Variants in MINDY4B observed in about 807,000 individuals in gnomAD.
The protein encoded by MINDY4B is inactive ubiquitin carboxyl-terminal hydrolase MINDY-4B.
Under a neutral mutation model 16.7 loss-of-function variants are expected in MINDY4B, and 25 were observed. The observed-to-expected ratio is 1.49, with a 90% CI of 1.09 to 2.09. The LOEUF (loss-of-function observed/expected upper bound fraction) is 2.09, where lower values mean the gene tolerates loss of function less well. MINDY4B is among the 30% of genes most tolerant of loss of function. The pLI is 0.00. For synonymous variants in MINDY4B, 132 were observed against 61.9 expected (o/e 2.13, Z -5.32); for missense variants, 327 against 168.4 (o/e 1.94, Z -5.21).
rs1712007760 is a variant in MINDY4B, at chr3:150,897,498, G to A, written c.310-3193C>T. ...AGAGTGTGGACAAACGGAGCGTGGAGCTCAATGGGCCCAGAGCTGAGGTGC... is the reference window on the plus strand; with the variant it reads ...AGAGTGTGGACAAACGGAGCGTGGAACTCAATGGGCCCAGAGCTGAGGTGC... On this transcript the variant is annotated intron_variant, in intron 3 of 11. Transcript: ENST00000465419. Among the ~76,000 whole-genome samples the A allele has an allele frequency of 2.0e-5, 3 of 152,176 alleles. No homozygotes were observed. The South Asian group carries it at 6.2e-4, about 32-fold the overall frequency.
chr3:150,871,994 G>A lies in MINDY4B; in HGVS notation c.1241-807C>T, dbSNP rs1716984358. On this transcript the variant is annotated intron_variant, in intron 11 of 11. Transcript: ENST00000465419. The stretch of plus-strand genomic sequence containing the variant: ...TATTAGCCAGGTGACACTTAAGAAG[G>A]TACTTAGCATCTATTGCTAAACTTC... Among the ~76,000 whole-genome samples the A allele has an allele frequency of 2.6e-5, 4 of 152,280 alleles. 1 individual carries two copies. The South Asian group carries it at 8.3e-4, about 32-fold the overall frequency.
chr3:150,887,593 C>CA (rs1711660223), intron 7 of MINDY4B, among the ~76,000 whole-genome samples: 1 of 152,022 alleles, frequency 6.6e-6, no homozygotes, highest in Non-Finnish European at 1.5e-5. Flanking sequence ...TGATAAAAGC[C>CA]AAAAATCTAG....
At chr3:150,897,309 A>G (rs5007165) in intron 3 of MINDY4B, among the ~76,000 whole-genome samples, 11,256 of 145,110 alleles carry the variant, frequency 0.078, 742 homozygotes, top group African/African-American at 0.19. Flanking sequence ...TAAGTGTTCA[A>G]TGTGACTGGA....
At chr3:150,898,339 T>C (rs1576615534) in intron 3 of MINDY4B, among the ~76,000 whole-genome samples, 1 of 152,186 alleles carries the variant, frequency 6.6e-6, no homozygotes, top group East Asian at 1.9e-4. Context: ...TTAAATTCAA[T>C]TTTAAAAGTT....
At chr3:150,895,503 C>T (rs1711936524) in intron 3 of MINDY4B, among the ~76,000 whole-genome samples, 1 of 152,116 alleles carries the variant, frequency 6.6e-6, no homozygotes, top group Non-Finnish European at 1.5e-5. Context: ...TCTCGCTCTG[C>T]TGCCCAGGCT....
chr3:150,888,250 GT>G (rs1711680749), intron 7 of MINDY4B, among the ~76,000 whole-genome samples: 1 of 151,968 alleles, frequency 6.6e-6, no homozygotes. Flanking sequence ...ATCACATGGT[GT>G]TCTTCCATGT....
chr3:150,891,619 G>A (rs1162443863), intron 5 of MINDY4B, among the ~76,000 whole-genome samples: 9 of 151,892 alleles, frequency 5.9e-5, no homozygotes, highest in Non-Finnish European at 1.3e-4. Context: ...AAAATTAGCT[G>A]GGCATGGTGG....
intron 10 of MINDY4B, among the ~76,000 whole-genome samples, chr3:150,875,797 G>A (rs917148926): frequency 4.6e-5 from 7 of 152,184 alleles, no homozygotes. Context: ...GCTGCACTTT[G>A]AGTATTAAGA....
At chr3:150,896,732 G>A (rs79786215) in intron 3 of MINDY4B, among the ~76,000 whole-genome samples, 2,028 of 152,252 alleles carry the variant, frequency 0.013, 29 homozygotes, top group Admixed American at 0.033. Flanking sequence ...GATGTGAACC[G>A]TCTGTGAGTG....
intron 10 of MINDY4B, among the ~76,000 whole-genome samples, chr3:150,874,277 A>T (rs1194719186): frequency 6.6e-6 from 1 of 151,964 alleles, no homozygotes; most frequent in Non-Finnish European, 1.5e-5. Flanking sequence ...TGGCCTCCCA[A>T]CTATTGGAAT....
chr3:150,897,766 T>A (rs538106072), intron 3 of MINDY4B, among the ~76,000 whole-genome samples: 1 of 152,328 alleles, frequency 6.6e-6, no homozygotes, highest in East Asian at 1.9e-4. Context: ...AGAAAAACTA[T>A]GTGTTCTCTG....
At chr3:150,880,411 C>G (rs1245933725) in intron 10 of MINDY4B, among the ~76,000 whole-genome samples, 3 of 152,092 alleles carry the variant, frequency 2.0e-5, no homozygotes, top group African/African-American at 7.2e-5. Flanking sequence ...TCTACACAAG[C>G]AGACTTGTGT....
intron 7 of MINDY4B, among the ~76,000 whole-genome samples, chr3:150,889,252 G>A (rs999714476): frequency 9.9e-5 from 15 of 152,230 alleles, no homozygotes; most frequent in Admixed American, 9.8e-4. Flanking sequence ...TTCTAGCAAC[G>A]CGAGAGAAGA....
rs557205570 is a variant in MINDY4B, at chr3:150,876,943, G to T, written c.1060-3576C>A. 1.2e-3 allele frequency among the ~76,000 whole-genome samples: 179 copies of T among 152,258 alleles called. 1 individual carries two copies. The highest frequency in any genetic ancestry group is 1.7e-3 in the Non-Finnish European group (115 of 68,026). ...CTTCAAATAGAAAAGTGACAGGGAGGCTTCAAAATAGTGCCTCATCTTATG... is the reference window on the plus strand; with the variant it reads ...CTTCAAATAGAAAAGTGACAGGGAGTCTTCAAAATAGTGCCTCATCTTATG... On this transcript the variant is annotated intron_variant, in intron 10 of 11. Transcript: ENST00000465419.
At chr3:150,872,802 T>C (rs1717000943) in intron 11 of MINDY4B, among the ~76,000 whole-genome samples, 1 of 152,224 alleles carries the variant, frequency 6.6e-6, no homozygotes, top group African/African-American at 2.4e-5. Flanking sequence ...TGTTTGGTTG[T>C]GAGATAGCAT....
At chr3:150,882,405 G>T (rs1483022597) in intron 10 of MINDY4B, among the ~76,000 whole-genome samples, 4 of 151,560 alleles carry the variant, frequency 2.6e-5, no homozygotes, top group African/African-American at 9.7e-5. Context: ...TTTTCCAGTG[G>T]TTTTTTTTAA....
rs555205809 is a variant in MINDY4B, at chr3:150,899,826, C to G, written c.309+3423G>C. ...TTAACTCACACCTGTCGAGACCCAT[C>G]TATGAGCTAGACCTTATGGGGGGAC... is the stretch of plus-strand genomic sequence containing the variant. On this transcript the variant is annotated intron_variant, in intron 3 of 11. Transcript: ENST00000465419. Among the ~76,000 whole-genome samples, 10 of 152,318 alleles carry G rather than the reference C, an allele frequency of 6.6e-5. No individual in the cohort carries two copies. In the South Asian group the frequency reaches 1.4e-3, roughly 22 times the overall value.
chr3:150,897,663 C>T (rs1258969145), intron 3 of MINDY4B, among the ~76,000 whole-genome samples: 2 of 152,150 alleles, frequency 1.3e-5, no homozygotes, highest in Non-Finnish European at 2.9e-5. Context: ...AATTTATTTC[C>T]CGGCCATCTC....
intron 3 of MINDY4B, among the ~76,000 whole-genome samples, chr3:150,900,234 A>C (rs1712083758): frequency 6.6e-6 from 1 of 152,196 alleles, no homozygotes; most frequent in Non-Finnish European, 1.5e-5. Flanking sequence ...AGGACAGCAA[A>C]AGGTGAGAAA....
Sources: allele counts gnomAD v4.1 joint callset (sites outside exome capture counted in the v4.1 genomes callset), GRCh38; gene constraint gnomAD v4.1.1; transcripts MANE v1.5; gene names NCBI Gene and HGNC (gene_info 2026-07-23, HGNC 2026-07-21).